Variants in MS4A5 observed in about 807,000 individuals in gnomAD.
MS4A5 encodes membrane spanning 4-domains A5.
MS4A5 carries 15 observed loss-of-function variants against 18.2 expected under a neutral mutation model. That is an observed-to-expected ratio of 0.83 (90% CI 0.55 to 1.27). The LOEUF (loss-of-function observed/expected upper bound fraction) is 1.27, where lower values mean the gene tolerates loss of function less well. Ranked by LOEUF, MS4A5 falls within the 50% of genes most tolerant of loss-of-function variation. The probability of loss-of-function intolerance (pLI) is 0.00; values close to 1 mark genes in which losing one functional copy is unlikely to be tolerated. For synonymous variants in MS4A5, 89 were observed against 78.7 expected (o/e 1.13, Z -0.69); for missense variants, 232 against 225.7 (o/e 1.03, Z -0.18).
intron 1 of MS4A5, 125 bp from the exon 2 acceptor site, chr11:60,430,671 T>C (rs150324635): frequency 1.9e-6 from 2 of 1,080,992 alleles, no homozygotes; most frequent in African/African-American, 1.6e-5. Flanking sequence ...GGGACTTCTA[T>C]TATTCTTCCC....
At chr11:60,440,986 A>T (rs2086108423) in intron 4 of MS4A5, among the ~76,000 whole-genome samples, 1 of 66,544 alleles carries the variant, frequency 1.5e-5, no homozygotes, top group Admixed American at 2.1e-4. Context: ...ACGTATGTTT[A>T]TTGCGGCATT....
chr11:60,435,429 C>T (rs1424392044), intron 4 of MS4A5: 6 of 440,454 alleles, frequency 1.4e-5, no homozygotes, highest in Non-Finnish European at 2.7e-5. Flanking sequence ...GGGGAGGAGC[C>T]AAGATGGCCA....
At chr11:60,445,679 G>A (rs2086135007) in intron 4 of MS4A5, among the ~76,000 whole-genome samples, 1 of 152,104 alleles carries the variant, frequency 6.6e-6, no homozygotes, top group African/African-American at 2.4e-5. Flanking sequence ...CTGACAAGAA[G>A]TCAAGAAAAA....
intron 1 of MS4A5, among the ~76,000 whole-genome samples, chr11:60,430,315 T>C (rs2086041611): frequency 6.6e-6 from 1 of 151,604 alleles, no homozygotes; most frequent in Non-Finnish European, 1.5e-5. Flanking sequence ...AGTGTGACAA[T>C]ACCTCAAGAG....
intron 4 of MS4A5, among the ~76,000 whole-genome samples, chr11:60,446,053 G>A (rs529421689): frequency 1.3e-5 from 2 of 152,218 alleles, no homozygotes; most frequent in East Asian, 1.9e-4. Context: ...GTACAACAAT[G>A]CTATTGCAGC....
intron 3 of MS4A5, among the ~76,000 whole-genome samples, chr11:60,432,990 C>G (rs2135171562): frequency 6.6e-6 from 1 of 152,264 alleles, no homozygotes; most frequent in East Asian, 1.9e-4. Context: ...GAAAGTTTCT[C>G]TAGGTCATCT....
chr11:60,431,584 C>T (rs1220991278), intron 2 of MS4A5, among the ~76,000 whole-genome samples: 1 of 152,156 alleles, frequency 6.6e-6, no homozygotes, highest in Non-Finnish European at 1.5e-5. Flanking sequence ...AGAATAAACA[C>T]AGGGGCTGCC....
chr11:60,440,282 G>T (rs61898331), intron 4 of MS4A5, among the ~76,000 whole-genome samples: 3 of 102,826 alleles, frequency 2.9e-5, no homozygotes, highest in Non-Finnish European at 6.3e-5. Flanking sequence ...AATTCAAGAT[G>T]GATTAAAGAC....
intron 4 of MS4A5, 74 bp downstream of exon 4, chr11:60,433,991 C>A: frequency 1.6e-6 from 2 of 1,279,034 alleles, no homozygotes; most frequent in South Asian, 1.4e-5. Flanking sequence ...CAATCAGCAC[C>A]ATTCAGATCA....
At chr11:60,432,572 G>A (rs1177712088) in intron 3 of MS4A5, 105 bp downstream of exon 3, 2 of 603,562 alleles carry the variant, frequency 3.3e-6, no homozygotes, top group South Asian at 2.0e-5. Context: ...TGGATCATGA[G>A]GTCAGGAGTT....
rs577521661 is a variant in MS4A5, at chr11:60,438,293, A to T, written c.492+4376A>T. 1.4e-4 allele frequency among the ~76,000 whole-genome samples: 21 copies of T among 152,326 alleles called. 2 individuals are homozygous for T. The East Asian group carries it at 4.0e-3, about 29-fold the overall frequency. On this transcript the variant is annotated intron_variant, in intron 4 of 4. Transcript: ENST00000300190. ...AAAGCAGGATGTAGAGGGAAATTTA[A>T]AGCACTAAATGCCCACAAGAGAAAG...
rs1479720213 is a variant in MS4A5 at position 60,429,723 on chromosome 11, G to C, written c.49G>C (p.Glu17Gln). ...TCCGGTGTTTCTGGTATTTCCTCCAGAAATCACTGCTTCAGAATATGAGTC... is the reference window on the plus strand; with the variant it reads ...TCCGGTGTTTCTGGTATTTCCTCCACAAATCACTGCTTCAGAATATGAGTC... ...HSPVFLVFPPEITASEYESTE... is the reference protein window; with the variant it reads ...HSPVFLVFPPQITASEYESTE... Residue 17 changes from glutamate (E) to glutamine (Q), a missense_variant, in exon 1 of 5, where the codon GAA (glutamate) becomes CAA (glutamine). Glu to Gln is a conservative substitution (Grantham distance 29). Transcript: ENST00000300190. The C allele has an allele frequency of 6.8e-6, 11 of 1,613,974 alleles. No homozygotes were observed. The highest frequency in any genetic ancestry group is 9.3e-6 in the Non-Finnish European group (11 of 1,179,970).
chr11:60,447,204 C>A (rs907601396), intron 4 of MS4A5, among the ~76,000 whole-genome samples: 1 of 144,892 alleles, frequency 6.9e-6, no homozygotes, highest in African/African-American at 2.6e-5. Flanking sequence ...GCTATGCTAT[C>A]CTATGCTATG....
Position 60,429,581 on chromosome 11 carries a change from C to A in MS4A5, c.-94C>A. Reference sequence around the variant, plus strand: ...AATTCCAAGACAAAGCAAACAATTCCAGTGCTCCAGGCAGCCTCAGCACAA... The same window carrying A: ...AATTCCAAGACAAAGCAAACAATTCAAGTGCTCCAGGCAGCCTCAGCACAA... On this transcript the variant is annotated 5_prime_UTR_variant, in exon 1 of 5. Transcript: ENST00000300190. 1 of 1,217,546 alleles carries A rather than the reference C, an allele frequency of 8.2e-7. No homozygotes were observed. Among genetic ancestry groups the A allele is most frequent in the Non-Finnish European group, 1.1e-6 (1 of 875,258 alleles). 75.4% of individuals were successfully genotyped at this position (1,217,546 alleles called of 1,614,324 possible). A position where few individuals can be genotyped will look rare whatever the true frequency, so the allele number is the denominator to read the frequency against.
intron 3 of MS4A5, among the ~76,000 whole-genome samples, chr11:60,433,379 T>G (rs2086061690): frequency 6.6e-6 from 1 of 152,238 alleles, no homozygotes; most frequent in African/African-American, 2.4e-5. Context: ...TTTGTCATTT[T>G]AGGGAGAAAT....
rs553549786 is a variant in MS4A5, at chr11:60,430,002, T to A, written c.153+175T>A. Among the ~76,000 whole-genome samples the A allele has an allele frequency of 7.9e-5, 12 of 152,262 alleles. No homozygotes were observed. In the East Asian group the frequency reaches 2.3e-3, roughly 29 times the overall value. Reference sequence around the variant, plus strand: ...GGATGTTTGAGAAGAACGAATCATGTGGGTCTGGACTTGACAAAAAATGCT... The same window carrying A: ...GGATGTTTGAGAAGAACGAATCATGAGGGTCTGGACTTGACAAAAAATGCT... On this transcript the variant is annotated intron_variant, in intron 1 of 4. Coordinates refer to ENST00000300190, the MANE Select transcript of MS4A5 (RefSeq NM_023945.3).
intron 4 of MS4A5, among the ~76,000 whole-genome samples, chr11:60,444,099 C>T (rs553205171): frequency 3.3e-5 from 5 of 152,254 alleles, no homozygotes; most frequent in Admixed American, 6.5e-5. Context: ...TCCCAACTCA[C>T]GAGTATTCAT....
rs888219980 is a variant in MS4A5, at chr11:60,433,814, C to T, written c.389C>T (p.Ala130Val). The change falls in exon 4 of 5, where the codon GCT (alanine) becomes GTT (valine). Residue 130 changes from alanine (A) to valine (V), a missense_variant. Transcript: ENST00000300190. Reference protein sequence around the residue: ...MNFLSALGAIAGIILLTFGFI... With the variant: ...MNFLSALGAIVGIILLTFGFI... ...TTTCTTAGTGCCCTGGGAGCAATAG[C>T]TGGAATCATTCTCCTCACATTTGGT... The T allele has an allele frequency of 3.1e-6, 5 of 1,613,744 alleles. No homozygotes were observed. Among genetic ancestry groups the T allele is most frequent in the Non-Finnish European group, 4.2e-6 (5 of 1,179,668 alleles).
chr11:60,442,628 C>T (rs1324486870), intron 4 of MS4A5, among the ~76,000 whole-genome samples: 1 of 152,114 alleles, frequency 6.6e-6, no homozygotes, highest in East Asian at 1.9e-4. Context: ...ACGTCCTGCA[C>T]ATGTATCCCA....
Sources: allele counts gnomAD v4.1 joint callset (sites outside exome capture counted in the v4.1 genomes callset), GRCh38; gene constraint gnomAD v4.1.1; transcripts MANE v1.5; gene names NCBI Gene and HGNC (gene_info 2026-07-23, HGNC 2026-07-21).